The following RIC1 variants were observed in gnomAD, a reference collection of about 807,000 sequenced individuals.
RIC1 encodes RIC1 partner of RAB6A GEF complex, also known as guanine nucleotide exchange factor subunit RIC1.
A neutral mutation model predicts 169.0 loss-of-function variants in RIC1; 88 were observed. The observed-to-expected ratio is 0.52, with a 90% CI of 0.44 to 0.62. The LOEUF is 0.62. Ranked by LOEUF, RIC1 falls within the 20% of genes least tolerant of loss-of-function variation. The pLI is 0.00. For synonymous variants in RIC1, 790 were observed against 601.5 expected, an observed-to-expected ratio of 1.31 and a Z score of -4.59; for missense variants, 1,877 against 1,725.5, an observed-to-expected ratio of 1.09 and a Z score of -1.56.
At chr9:5,670,805 A>G (rs979346275) in intron 2 of RIC1, among the ~76,000 whole-genome samples, 5 of 152,230 alleles carry the variant, frequency 3.3e-5, no homozygotes, top group Admixed American at 2.6e-4. Context: ...TATTATTCAA[A>G]TAAGTCTTCC....
intron 2 of RIC1, among the ~76,000 whole-genome samples, chr9:5,677,270 T>C (rs1176638379): frequency 6.6e-6 from 1 of 152,234 alleles, no homozygotes; most frequent in Non-Finnish European, 1.5e-5. Flanking sequence ...ATTTTTCTAA[T>C]AACTAATGAT....
chr9:5,701,118 C>G (rs187798460), intron 3 of RIC1, among the ~76,000 whole-genome samples: 3 of 152,292 alleles, frequency 2.0e-5, no homozygotes, highest in African/African-American at 4.8e-5. Flanking sequence ...TAAACAATAA[C>G]TTGTTATCAC....
At chr9:5,721,255 C>T (rs867393368) in intron 6 of RIC1, among the ~76,000 whole-genome samples, 8 of 152,232 alleles carry the variant, frequency 5.3e-5, no homozygotes, top group South Asian at 4.1e-4. Flanking sequence ...GTGGTACTGA[C>T]GCAGAAGTTT....
chr9:5,744,435 T>C (rs760746164), intron 10 of RIC1, among the ~76,000 whole-genome samples: 1 of 152,194 alleles, frequency 6.6e-6, no homozygotes, highest in Non-Finnish European at 1.5e-5. Context: ...TTGTAAACAA[T>C]ACAGGTTGAG....
In RIC1 at chr9:5,747,416, A is replaced by G; in HGVS notation, c.1363A>G (p.Ser455Gly). 4 of 1,614,138 alleles carry G rather than the reference A, an allele frequency of 2.5e-6. No homozygotes were observed. The highest frequency in any genetic ancestry group is 3.4e-6 in the Non-Finnish European group (4 of 1,179,970). ...SSSTHSEHKPSREKSPFADGG... is the reference protein window; with the variant it reads ...SSSTHSEHKPGREKSPFADGG... Reference sequence around the variant, plus strand: ...TTCAACACACTCTGAGCATAAGCCCAGTCGAGAAAAGAGCCCATTTGCAGA... The same window carrying G: ...TTCAACACACTCTGAGCATAAGCCCGGTCGAGAAAAGAGCCCATTTGCAGA... The change falls in exon 12 of 26, where the codon AGT becomes GGT. Residue 455 changes from serine to glycine, a missense_variant. This residue lies in a region of RIC1 where 1,104 missense variants were observed against 992.0 expected (regional missense o/e 1.11). Coordinates refer to ENST00000414202, the MANE Select transcript of RIC1 (RefSeq NM_020829.4).
At chr9:5,746,327 A>G (rs1236737245) in intron 11 of RIC1, among the ~76,000 whole-genome samples, 2 of 152,108 alleles carry the variant, frequency 1.3e-5, no homozygotes, top group Non-Finnish European at 2.9e-5. Flanking sequence ...CAATGTTTAT[A>G]TATTTATTTA....
In RIC1 at chr9:5,684,045, C is replaced by T. The variant is rs545704832; in HGVS notation, c.253-5914C>T. 6.7e-4 allele frequency among the ~76,000 whole-genome samples: 102 copies of T among 152,260 alleles called. 2 individuals carry two copies. Among genetic ancestry groups the T allele is most frequent in the South Asian group, 1.0e-3 (5 of 4,820 alleles). On this transcript the variant is annotated intron_variant, in intron 2 of 25. Transcript: ENST00000414202. ...TCGATTTTCCTGGTGCCGTCTGTCA[C>T]CCCTTTCTTTGACTAGGAAAGGGAA...
chr9:5,771,221 T>C (rs1827196251), intron 23 of RIC1, among the ~76,000 whole-genome samples: 1 of 152,210 alleles, frequency 6.6e-6, no homozygotes, highest in African/African-American at 2.4e-5. Flanking sequence ...CAGCTCCTCA[T>C]ACCTTCTTCC....
chr9:5,777,359 C>T (rs1316288409), downstream of RIC1, among the ~76,000 whole-genome samples: 1 of 149,502 alleles, frequency 6.7e-6, no homozygotes, highest in Non-Finnish European at 1.5e-5. Context: ...GGATCTAATT[C>T]CACACAAAAT....
intron 1 of RIC1, among the ~76,000 whole-genome samples, chr9:5,643,375 C>G (rs546095694): frequency 4.6e-5 from 7 of 151,868 alleles, no homozygotes; most frequent in Non-Finnish European, 1.0e-4. Context: ...TTGAGTGATT[C>G]TATATGAATG....
At position 5,689,961 on chromosome 9, in the gene RIC1, G is replaced by A. The variant is rs770628081; in HGVS notation, c.255G>A (p.Thr85=). Residue 85 remains threonine (T), a splice_region_variant and synonymous_variant, in exon 3 of 26, where the codon ACG becomes ACA. Coordinates refer to ENST00000414202, the MANE Select transcript of RIC1 (RefSeq NM_020829.4). The part of the protein sequence containing the change: ...RPDSTMIAVS[T]ANGYILFFHI... The stretch of plus-strand genomic sequence containing the variant: ...GATTAATAAAATTTCTCTTTCAGAC[G>A]GCAAATGGATACATCTTGTTTTTTC... 6.6e-5 allele frequency: 104 copies of A among 1,587,352 alleles called. No individual in the cohort carries two copies. Among genetic ancestry groups the A allele is most frequent in the Middle Eastern group, 1.7e-4 (1 of 5,990 alleles).
intron 8 of RIC1, among the ~76,000 whole-genome samples, chr9:5,741,169 T>A (rs1825062050): frequency 6.6e-6 from 1 of 152,226 alleles, no homozygotes; most frequent in Non-Finnish European, 1.5e-5. Context: ...CCAGTGCCAT[T>A]GGATTTCCAT....
Position 5,754,693 on chromosome 9 carries a change from T to G in RIC1, c.1603-148T>G, listed in dbSNP as rs902926606. ...TTGCAGGGAGCTGAGATCGAGCCACTGCACTCCAGCATGGGTGACAGAGTG... is the reference window on the plus strand; with the variant it reads ...TTGCAGGGAGCTGAGATCGAGCCACGGCACTCCAGCATGGGTGACAGAGTG... On this transcript the variant is annotated intron_variant, in intron 14 of 25. Coordinates refer to ENST00000414202, the MANE Select transcript of RIC1 (RefSeq NM_020829.4). The G allele has an allele frequency of 1.6e-5, 7 of 447,408 alleles. 1 individual carries two copies. The highest frequency in any genetic ancestry group is 1.4e-4 in the African/African-American group (7 of 50,166). The allele number at this position is 447,408 out of a possible 1,614,324, so 27.7% of individuals were successfully genotyped here. A position where few individuals can be genotyped will look rare whatever the true frequency, so the allele number is the denominator to read the frequency against.
At chr9:5,707,476 T>C (rs1586987302) in intron 3 of RIC1, among the ~76,000 whole-genome samples, 1 of 152,278 alleles carries the variant, frequency 6.6e-6, no homozygotes, top group South Asian at 2.1e-4. Context: ...TATTGAAGTC[T>C]CCAACATTAT....
chr9:5,699,423 A>G (rs751792241), intron 3 of RIC1, among the ~76,000 whole-genome samples: 5 of 151,962 alleles, frequency 3.3e-5, no homozygotes, highest in Non-Finnish European at 5.9e-5. Context: ...GCAATTCTGA[A>G]CTGGAATTAG....
chr9:5,643,730 T>TA (rs1250183690), intron 1 of RIC1, among the ~76,000 whole-genome samples: 1 of 152,192 alleles, frequency 6.6e-6, no homozygotes, highest in Non-Finnish European at 1.5e-5. Flanking sequence ...AAAATGGTGA[T>TA]ATAGGACCTG....
At position 5,756,317 on chromosome 9, in the gene RIC1, G is replaced by T. The variant is rs769829893; in HGVS notation, c.1798G>T (p.Val600Leu). The T allele has an allele frequency of 2.5e-6, 4 of 1,595,800 alleles. No individual in the cohort carries two copies. Among genetic ancestry groups the T allele is most frequent in the Non-Finnish European group, 3.4e-6 (4 of 1,168,964 alleles). The change falls in exon 16 of 26, where the codon GTA becomes TTA. Residue 600 changes from valine (V) to leucine (L), a missense_variant. Around this residue, in one of 3 missense-constraint regions of RIC1, gnomAD observed 1,104 missense variants for 992.0 expected, o/e 1.11. Transcript: ENST00000414202. Reference protein sequence around the residue: ...LLSVFQDMVIVFRADCSICLY... With the variant: ...LLSVFQDMVILFRADCSICLY... ...TAGTGTCTTCCAGGACATGGTAATA[G>T]TATTTAGAGCAGACTGTTCAATATG...
chr9:5,745,351 T>C (rs974037020), intron 10 of RIC1, among the ~76,000 whole-genome samples: 2 of 152,204 alleles, frequency 1.3e-5, no homozygotes, highest in Non-Finnish European at 2.9e-5. Flanking sequence ...TTACAGAATA[T>C]TAAAACTGAA....
chr9:5,642,439 C>T (rs1183499520), intron 1 of RIC1, among the ~76,000 whole-genome samples: 1 of 145,184 alleles, frequency 6.9e-6, no homozygotes, highest in Non-Finnish European at 1.5e-5. Flanking sequence ...CTACCATCAG[C>T]AGGTGGTGAA....
Sources: gnomAD v4.1 joint callset for allele counts (sites outside exome capture counted in the v4.1 genomes callset) on GRCh38, gnomAD v4.1.1 for gene constraint, gnomAD v4.1.1 regional missense constraint, MANE v1.5 for transcripts, NCBI Gene and HGNC (gene_info 2026-07-23, HGNC 2026-07-21) for gene names.